CNTN4: variants seen among roughly 807,000 people sequenced by gnomAD.
The protein encoded by CNTN4 is contactin-4.
A neutral mutation model predicts 122.5 loss-of-function variants in CNTN4; 77 were observed. The observed-to-expected ratio is 0.63, with a 90% confidence interval of 0.52 to 0.76. The LOEUF (loss-of-function observed/expected upper bound fraction) is 0.76, where lower values mean the gene tolerates loss of function less well. Ranked by LOEUF, CNTN4 falls within the 30% of genes least tolerant of loss-of-function variation. The pLI is 0.00. For synonymous variants in CNTN4, 512 were observed against 447.0 expected (o/e 1.15, Z -1.83); for missense variants, 1,256 against 1,259.1 (o/e 1.00, Z 0.04).
intron 3 of CNTN4, among the ~76,000 whole-genome samples, chr3:2,384,889 G>T (rs1427199827): frequency 6.6e-6 from 1 of 151,472 alleles, no homozygotes. Flanking sequence ...TTTTTTGTTA[G>T]TGCACTGCCT....
chr3:3,027,090 C>A (rs9870617), intron 15 of CNTN4, among the ~76,000 whole-genome samples: 1 of 152,068 alleles, frequency 6.6e-6, no homozygotes, highest in Non-Finnish European at 1.5e-5. Flanking sequence ...CTGTCCACCC[C>A]CTTTACGTTG....
intron 14 of CNTN4, among the ~76,000 whole-genome samples, chr3:3,010,545 G>A (rs1259336924): frequency 2.0e-5 from 3 of 151,842 alleles, no homozygotes; most frequent in Non-Finnish European, 4.4e-5. Flanking sequence ...GGATCATTGT[G>A]ACGAAGAAAT....
intron 3 of CNTN4, among the ~76,000 whole-genome samples, chr3:2,481,062 TC>T (rs1483546612): frequency 3.8e-4 from 44 of 114,692 alleles, no homozygotes; most frequent in Admixed American, 1.1e-3. Flanking sequence ...TCTTTCTTTC[TC>T]TCTTTCTCTC....
intron 6 of CNTN4, among the ~76,000 whole-genome samples, chr3:2,768,438 G>C (rs2090954559): frequency 6.6e-6 from 1 of 152,322 alleles, no homozygotes; most frequent in Non-Finnish European, 1.5e-5. Context: ...AGCTGAAATT[G>C]TATTGGTAGA....
chr3:2,667,515 C>G (rs1326557026), intron 4 of CNTN4, among the ~76,000 whole-genome samples: 1 of 152,080 alleles, frequency 6.6e-6, no homozygotes, highest in South Asian at 2.1e-4. Context: ...GAGTAGATTA[C>G]AAAAATTTTC....
chr3:2,692,807 C>T (rs2085814734), intron 4 of CNTN4, among the ~76,000 whole-genome samples: 1 of 151,802 alleles, frequency 6.6e-6, no homozygotes. Context: ...AACAAAAGAC[C>T]TCTCATTTTT....
rs115911853 is a variant in CNTN4 at position 2,747,479 on chromosome 3, T to A, written c.358+1782T>A. ...AACTTCTTTATTGACAGCTTACATT[T>A]AAAAAAAAAAAATTACCAGCTCTTA... On this transcript the variant is annotated intron_variant, in intron 6 of 24. Transcript: ENST00000418658. 2.4e-3 allele frequency among the ~76,000 whole-genome samples: 361 copies of A among 149,480 alleles called. 2 individuals carry two copies. Among genetic ancestry groups the A allele is most frequent in the African/African-American group, 8.3e-3 (336 of 40,622 alleles).
At chr3:2,124,657 C>T (rs1047143271) in intron 2 of CNTN4, among the ~76,000 whole-genome samples, 22 of 151,992 alleles carry the variant, frequency 1.4e-4, no homozygotes, top group African/African-American at 5.3e-4. Context: ...GACTGTGATC[C>T]CAGCTACATG....
intron 12 of CNTN4, among the ~76,000 whole-genome samples, chr3:2,922,457 C>G (rs977733003): frequency 7.9e-5 from 12 of 152,068 alleles, no homozygotes; most frequent in African/African-American, 2.9e-4. Context: ...TTAAGAAATC[C>G]ATTAATAGCT....
At chr3:2,560,339 A>G (rs2078899558) in intron 3 of CNTN4, among the ~76,000 whole-genome samples, 1 of 151,874 alleles carries the variant, frequency 6.6e-6, no homozygotes, top group Non-Finnish European at 1.5e-5. Flanking sequence ...ATGGGGTTTC[A>G]CCATGTTGCT....
chr3:2,808,878 G>A (rs943256960), intron 6 of CNTN4, among the ~76,000 whole-genome samples: 7 of 152,210 alleles, frequency 4.6e-5, no homozygotes, highest in Admixed American at 4.6e-4. Flanking sequence ...GTCCTTTGTA[G>A]CCAAGATGCT....
intron 4 of CNTN4, among the ~76,000 whole-genome samples, chr3:2,677,261 A>G (rs749794835): frequency 3.3e-5 from 5 of 150,892 alleles, no homozygotes; most frequent in Admixed American, 2.0e-4. Context: ...CTATACATCT[A>G]TGTATATAGA....
chr3:2,688,553 G>A (rs2063900), intron 4 of CNTN4, among the ~76,000 whole-genome samples: 2,966 of 152,324 alleles, frequency 0.019, 113 homozygotes, highest in African/African-American at 0.068. Context: ...TCTGGAATGA[G>A]ATGTGATTCC....
chr3:2,399,442 A>C (rs2046760393), intron 3 of CNTN4, among the ~76,000 whole-genome samples: 1 of 152,048 alleles, frequency 6.6e-6, no homozygotes, highest in African/African-American at 2.4e-5. Flanking sequence ...ATACCTTAGG[A>C]TTCATTCATT....
chr3:2,206,078 C>G (rs955623959), intron 2 of CNTN4, among the ~76,000 whole-genome samples: 5 of 152,046 alleles, frequency 3.3e-5, no homozygotes, highest in Admixed American at 3.3e-4. Context: ...TTTATAGATA[C>G]AAGCTCTTAC....
intron 13 of CNTN4, among the ~76,000 whole-genome samples, chr3:2,950,811 T>TATCCTTATAAC (rs2094733141): frequency 6.6e-6 from 1 of 152,216 alleles, no homozygotes; most frequent in Non-Finnish European, 1.5e-5. Flanking sequence ...CCCATGAACT[T>TATCCTTATAAC]ATCCTTATAA....
chr3:2,152,810 C>G (rs553198587), intron 2 of CNTN4, among the ~76,000 whole-genome samples: 34 of 152,146 alleles, frequency 2.2e-4, no homozygotes, highest in African/African-American at 8.0e-4. Context: ...AAGCAGGGTA[C>G]GGAAATGTAC....
intron 6 of CNTN4, among the ~76,000 whole-genome samples, chr3:2,751,879 TGA>T (rs1253563774): frequency 1.3e-5 from 2 of 151,950 alleles, no homozygotes; most frequent in East Asian, 3.9e-4. Context: ...CTTGAGAAGA[TGA>T]GATGTTATAT....
At chr3:2,564,164 C>T (rs895301482) in intron 3 of CNTN4, among the ~76,000 whole-genome samples, 7 of 152,070 alleles carry the variant, frequency 4.6e-5, no homozygotes, top group African/African-American at 1.7e-4. Context: ...TGTTGAACTA[C>T]TTAACAGAAA....
Sources: gnomAD v4.1 joint callset for allele counts (sites outside exome capture counted in the v4.1 genomes callset) on GRCh38, gnomAD v4.1.1 for gene constraint, MANE v1.5 for transcripts, NCBI Gene and HGNC (gene_info 2026-07-23, HGNC 2026-07-21) for gene names.